BAIAP2: variants seen among roughly 807,000 people sequenced by gnomAD.
BAIAP2 encodes the protein BAR/IMD domain-containing adapter protein 2.
In BAIAP2, 18 loss-of-function variants were observed where a neutral mutation model predicts 63.0. The observed-to-expected ratio is 0.29, with a 90% confidence interval of 0.20 to 0.42. The LOEUF is 0.42. Among genes scored for constraint, BAIAP2 ranks in the 10% least tolerant of loss-of-function variants. BAIAP2 has a pLI of 1.00. For synonymous variants in BAIAP2, 386 were observed against 307.6 expected, an observed-to-expected ratio of 1.25 and a Z score of -2.67; for missense variants, 610 against 734.3, an observed-to-expected ratio of 0.83 and a Z score of 1.96.
At chr17:81,101,733 C>T (rs1448711184) in intron 7 of BAIAP2, among the ~76,000 whole-genome samples, 2 of 152,258 alleles carry the variant, frequency 1.3e-5, no homozygotes, top group African/African-American at 4.8e-5. Context: ...CTGGAGAGGC[C>T]CCTCCTGCCG....
intron 3 of BAIAP2, among the ~76,000 whole-genome samples, chr17:81,058,447 C>G (rs1181950772): frequency 6.6e-6 from 1 of 152,228 alleles, no homozygotes; most frequent in Non-Finnish European, 1.5e-5. Flanking sequence ...GTGATCGCTC[C>G]TGTGACGTCT....
At chr17:81,114,260 C>T (rs2060260385) in intron 13 of BAIAP2, among the ~76,000 whole-genome samples, 1 of 151,816 alleles carries the variant, frequency 6.6e-6, no homozygotes, top group Admixed American at 6.6e-5. Flanking sequence ...AGGCAGGAGC[C>T]ACTATGCCCA....
chr17:81,088,890 C>T (rs941758711), intron 6 of BAIAP2, among the ~76,000 whole-genome samples: 30 of 152,244 alleles, frequency 2.0e-4, no homozygotes, highest in East Asian at 1.9e-4. Flanking sequence ...TGGGGGCTGT[C>T]GGAGCCACTC....
intron 1 of BAIAP2, among the ~76,000 whole-genome samples, chr17:81,050,772 T>C (rs1462220652): frequency 6.7e-6 from 1 of 150,098 alleles, no homozygotes; most frequent in Non-Finnish European, 1.5e-5. Flanking sequence ...TGCATGTGTG[T>C]ATGCACACAT....
In BAIAP2 at chr17:81,116,151, T is replaced by G; in HGVS notation, c.*312T>G. On this transcript the variant is annotated 3_prime_UTR_variant, in exon 14 of 14. Coordinates refer to ENST00000428708, the MANE Select transcript of BAIAP2 (RefSeq NM_001144888.2). ...TACCCCTGAGTTAAGGGAGGACATT[T>G]GGCCAGCTGGTGGCTGGGAGGGGAG... 1 of 1,600,530 alleles carries G rather than the reference T, an allele frequency of 6.2e-7. No individual in the cohort carries two copies. Among genetic ancestry groups the G allele is most frequent in the Admixed American group, 1.7e-5 (1 of 59,734 alleles).
chr17:81,116,310 C>T lies in BAIAP2; in HGVS notation c.*471C>T, dbSNP rs754752853. The T allele has an allele frequency of 9.9e-6, 16 of 1,612,800 alleles. No homozygotes were observed. The Admixed American group carries it at 1.7e-4, about 17-fold the overall frequency. ...CGCACCCTGGCTGGAAGATGAACTT[C>T]CCGTAAGCACGTAATTCCCTGCAGG... On this transcript the variant is annotated 3_prime_UTR_variant, in exon 14 of 14. Coordinates refer to ENST00000428708, the MANE Select transcript of BAIAP2 (RefSeq NM_001144888.2).
intron 13 of BAIAP2, chr17:81,110,861 C>G: frequency 6.2e-7 from 1 of 1,611,688 alleles, no homozygotes; most frequent in Non-Finnish European, 8.5e-7. Context: ...CTCTGCACCC[C>G]CGAGTCCTCA....
chr17:81,039,458 C>T (rs1454542828), intron 1 of BAIAP2, among the ~76,000 whole-genome samples: 2 of 152,204 alleles, frequency 1.3e-5, no homozygotes, highest in African/African-American at 2.4e-5. Flanking sequence ...TGGATGTGGC[C>T]AGGCGTTCTG....
intron 1 of BAIAP2, among the ~76,000 whole-genome samples, chr17:81,039,707 G>T (rs147077560): frequency 2.0e-5 from 3 of 152,108 alleles, no homozygotes; most frequent in Non-Finnish European, 4.4e-5. Context: ...CTGTGTTCCT[G>T]TTGCTGCCTT....
At chr17:81,057,813 G>A (rs1320756733) in intron 2 of BAIAP2, 68 bp from the exon 3 acceptor site, 17 of 1,557,168 alleles carry the variant, frequency 1.1e-5, no homozygotes, top group East Asian at 2.3e-5. Context: ...CAAGACTGCC[G>A]TGTTTTTGCT....
At chr17:81,110,648 T>A in intron 13 of BAIAP2, 4 of 1,336,598 alleles carry the variant, frequency 3.0e-6, no homozygotes, top group Non-Finnish European at 2.9e-6. Flanking sequence ...CACACGGTGC[T>A]GGCCCCAGTG....
chr17:81,108,816 A>G (rs1350097935), intron 13 of BAIAP2: 25 of 1,277,912 alleles, frequency 2.0e-5, no homozygotes, highest in Non-Finnish European at 2.5e-5. Context: ...CTCTGCCCCA[A>G]TCTGTGCTCC....
At chr17:81,052,461 C>T (rs576226757) in intron 1 of BAIAP2, among the ~76,000 whole-genome samples, 54 of 152,300 alleles carry the variant, frequency 3.5e-4, no homozygotes, top group Non-Finnish European at 4.7e-4. Context: ...GGAACTTGGC[C>T]GGGTGGCGTT....
rs189389485 is a variant in BAIAP2, at chr17:81,036,970, A to G, written c.54+1662A>G. 3,352 of 1,535,430 alleles carry G rather than the reference A, an allele frequency of 2.2e-3. 7 individuals are homozygous for G. Among genetic ancestry groups the G allele is most frequent in the Admixed American group, 3.0e-3 (152 of 51,008 alleles). On this transcript the variant is annotated intron_variant, in intron 1 of 13. Transcript: ENST00000428708. Reference sequence around the variant, plus strand: ...GTGAGAGTTGGCAGGGGGTGAGTACATGGAGTGGTTTTGCTCTGGGGGACC... The same window carrying G: ...GTGAGAGTTGGCAGGGGGTGAGTACGTGGAGTGGTTTTGCTCTGGGGGACC...
At chr17:81,073,584 G>A (rs564977261) in intron 3 of BAIAP2, among the ~76,000 whole-genome samples, 75 of 152,252 alleles carry the variant, frequency 4.9e-4, no homozygotes, top group Non-Finnish European at 9.7e-4. Context: ...GTTTGCCCTC[G>A]CAGATGAGGA....
intron 12 of BAIAP2, chr17:81,107,213 C>T: frequency 2.9e-6 from 1 of 342,764 alleles, no homozygotes; most frequent in Non-Finnish European, 5.3e-6. Context: ...AGCGTCTGGG[C>T]TGGGAAGTGG....
chr17:81,110,482 T>C, intron 13 of BAIAP2: 1 of 1,024,942 alleles, frequency 9.8e-7, no homozygotes, highest in African/African-American at 1.7e-5. Context: ...GTACTGCAGT[T>C]ACTTGTTTGA....
chr17:81,086,269 A>C (rs2055624924), intron 5 of BAIAP2, among the ~76,000 whole-genome samples, 174 bp from the exon 6 acceptor site: 1 of 152,116 alleles, frequency 6.6e-6, no homozygotes, highest in South Asian at 2.1e-4. Flanking sequence ...GGCTCTCCCC[A>C]ACTCTGATTT....
chr17:81,109,389 A>G (rs60667983), intron 13 of BAIAP2: 206,826 of 967,390 alleles, frequency 0.21, 4,685 homozygotes, highest in South Asian at 0.29. Flanking sequence ...AAAAAAAAAA[A>G]AAAAAAGAAA....
Sources: gnomAD v4.1 joint callset for allele counts (sites outside exome capture counted in the v4.1 genomes callset) on GRCh38, gnomAD v4.1.1 for gene constraint, MANE v1.5 for transcripts, NCBI Gene and HGNC (gene_info 2026-07-23, HGNC 2026-07-21) for gene names.